ADGRL3: variants seen among roughly 807,000 people sequenced by gnomAD.
ADGRL3 encodes adhesion G protein-coupled receptor L3, also known as calcium-independent alpha-latrotoxin receptor 3.
In ADGRL3, 62 loss-of-function variants were observed where a neutral mutation model predicts 153.5. That is an observed-to-expected ratio of 0.40 (90% CI 0.33 to 0.50). ADGRL3 has a LOEUF of 0.50. Ranked by LOEUF, ADGRL3 falls within the 20% of genes least tolerant of loss-of-function variation. The probability of loss-of-function intolerance (pLI) is 0.47; values close to 1 mark genes in which losing one functional copy is unlikely to be tolerated. For missense variants in ADGRL3, 1,641 were observed against 1,859.4 expected (o/e 0.88, Z 2.16); for synonymous variants, 710 against 672.5 (o/e 1.06, Z -0.86).
intron 19 of ADGRL3, among the ~76,000 whole-genome samples, chr4:61,984,394 T>A (rs984294221): frequency 1.3e-5 from 2 of 151,998 alleles, no homozygotes; most frequent in Non-Finnish European, 2.9e-5. Flanking sequence ...GAGAAGAAAG[T>A]CTCAAGATGG....
intron 1 of ADGRL3, among the ~76,000 whole-genome samples, chr4:61,246,758 CTT>C (rs1478521322): frequency 6.6e-6 from 1 of 151,490 alleles, no homozygotes; most frequent in Non-Finnish European, 1.5e-5. Context: ...TATTATAAAA[CTT>C]AGCATATATT....
At chr4:62,010,422 A>AT (rs149289533) in intron 21 of ADGRL3, among the ~76,000 whole-genome samples, 3,423 of 152,078 alleles carry the variant, frequency 0.023, 132 homozygotes, top group African/African-American at 0.079. Context: ...ACAAATATTT[A>AT]TTTTTTATTA....
At chr4:61,824,907 T>A (rs182374937) in intron 9 of ADGRL3, among the ~76,000 whole-genome samples, 14 of 152,304 alleles carry the variant, frequency 9.2e-5, no homozygotes, top group Admixed American at 8.5e-4. Flanking sequence ...TTTTTTGAGA[T>A]CTTTTAGTAG....
At chr4:61,734,348 G>A (rs961951022) in intron 8 of ADGRL3, among the ~76,000 whole-genome samples, 2 of 151,934 alleles carry the variant, frequency 1.3e-5, no homozygotes, top group African/African-American at 4.8e-5. Flanking sequence ...CTGCTGTAAA[G>A]ATATAAACAA....
chr4:61,481,663 C>T (rs978581232), intron 2 of ADGRL3, among the ~76,000 whole-genome samples: 1 of 151,158 alleles, frequency 6.6e-6, no homozygotes. Flanking sequence ...ATAGTATATC[C>T]ATGTTTTATC....
At position 62,069,730 on chromosome 4, in the gene ADGRL3, G is replaced by A. The variant is rs550441171; in HGVS notation, c.3833-379G>A. ...TGGAGTATTTAACTGACTTTGATGTGTATAAATTGAAAGCTATGAATGACT... is the reference window on the plus strand; with the variant it reads ...TGGAGTATTTAACTGACTTTGATGTATATAAATTGAAAGCTATGAATGACT... On this transcript the variant is annotated intron_variant, in intron 26 of 26. Transcript: ENST00000683033. Among the ~76,000 whole-genome samples, 3 of 152,174 alleles carry A rather than the reference G, an allele frequency of 2.0e-5. No individual in the cohort carries two copies. In the South Asian group the frequency reaches 6.2e-4, roughly 32 times the overall value.
chr4:61,704,994 T>G (rs1489611246), intron 6 of ADGRL3, among the ~76,000 whole-genome samples: 7 of 152,136 alleles, frequency 4.6e-5, no homozygotes, highest in African/African-American at 1.7e-4. Context: ...CTTGAACCCT[T>G]CAAAGTCATG....
intron 17 of ADGRL3, among the ~76,000 whole-genome samples, chr4:61,961,810 C>T (rs1581649837): frequency 6.6e-6 from 1 of 152,034 alleles, no homozygotes; most frequent in African/African-American, 2.4e-5. Context: ...AGAAAGAGAG[C>T]AGCTAAAATT....
chr4:61,520,060 A>C (rs1426360837), intron 4 of ADGRL3, among the ~76,000 whole-genome samples: 2 of 152,156 alleles, frequency 1.3e-5, no homozygotes, highest in Non-Finnish European at 2.9e-5. Flanking sequence ...CTTTGAATTC[A>C]TTTGACTCTT....
At chr4:62,027,812 A>G (rs1719633120) in intron 21 of ADGRL3, among the ~76,000 whole-genome samples, 1 of 151,966 alleles carries the variant, frequency 6.6e-6, no homozygotes, top group African/African-American at 2.4e-5. Context: ...CTTGCATTAT[A>G]ATTATCACCA....
chr4:61,385,985 A>C (rs571081600), intron 2 of ADGRL3, among the ~76,000 whole-genome samples: 2 of 152,096 alleles, frequency 1.3e-5, no homozygotes, highest in South Asian at 4.2e-4. Context: ...TGTGAGTGCT[A>C]TTTTCATCTG....
intron 21 of ADGRL3, among the ~76,000 whole-genome samples, chr4:62,007,356 T>TTATATATATATATATATATATATATA (rs71666906): frequency 9.7e-5 from 3 of 30,904 alleles, no homozygotes; most frequent in Non-Finnish European, 1.9e-4. Context: ...GACAAAATGA[T>TTATATATATATATATATATATATATA]TATATATATA....
intron 2 of ADGRL3, chr4:61,385,442 A>G (rs72634772): frequency 0.063 from 9,552 of 152,256 alleles, 392 homozygotes; most frequent in Middle Eastern, 0.2. Context: ...TTCAATGGCC[A>G]CCCCTTGCTC....
At chr4:61,326,434 C>A (rs2150874725) in intron 1 of ADGRL3, among the ~76,000 whole-genome samples, 1 of 152,050 alleles carries the variant, frequency 6.6e-6, no homozygotes, top group South Asian at 2.1e-4. Context: ...TTATGTAAAT[C>A]AAATTTGAGG....
intron 1 of ADGRL3, among the ~76,000 whole-genome samples, chr4:61,224,149 A>G (rs1018415059): frequency 5.3e-5 from 8 of 152,098 alleles, no homozygotes; most frequent in African/African-American, 1.9e-4. Context: ...TTTGATGAAA[A>G]TTTCATGTCT....
At chr4:62,034,194 T>C (rs780974898) in intron 23 of ADGRL3, among the ~76,000 whole-genome samples, 6 of 151,818 alleles carry the variant, frequency 4.0e-5, no homozygotes, top group Non-Finnish European at 8.8e-5. Flanking sequence ...ATGAGCCAAA[T>C]TCATCCAGCT....
chr4:62,063,464 C>CT (rs752814590), intron 25 of ADGRL3: 41,463 of 484,790 alleles, frequency 0.086, 171 homozygotes, highest in African/African-American at 0.11. Context: ...CCTGATTGAC[C>CT]TTTTTTTTTT....
chr4:61,430,805 G>T (rs1309427242), intron 2 of ADGRL3, among the ~76,000 whole-genome samples: 1 of 152,120 alleles, frequency 6.6e-6, no homozygotes, highest in African/African-American at 2.4e-5. Context: ...TTTTTTGTGA[G>T]TGCAACACAT....
chr4:61,337,861 A>G (rs2095712516), intron 1 of ADGRL3, among the ~76,000 whole-genome samples: 1 of 152,144 alleles, frequency 6.6e-6, no homozygotes, highest in African/African-American at 2.4e-5. Context: ...TCTTATATGT[A>G]TACTCTTAAA....
Sources: gnomAD v4.1 joint callset for allele counts (sites outside exome capture counted in the v4.1 genomes callset) on GRCh38, gnomAD v4.1.1 for gene constraint, MANE v1.5 for transcripts, NCBI Gene and HGNC (gene_info 2026-07-23, HGNC 2026-07-21) for gene names.